Variants in CAST observed in about 807,000 individuals in gnomAD.
The protein encoded by CAST is MIR583 host.
CAST carries 76 observed loss-of-function variants against 119.6 expected under a neutral mutation model. The ratio of observed to expected loss-of-function variants is 0.64; its 90% confidence interval spans 0.53 to 0.77. The LOEUF is 0.77. Among genes scored for constraint, CAST ranks in the 30% least tolerant of loss-of-function variants. CAST has a pLI of 0.00. For missense variants in CAST, 953 were observed against 946.5 expected, an observed-to-expected ratio of 1.01 and a Z score of -0.09; for synonymous variants, 319 against 331.6, an observed-to-expected ratio of 0.96 and a Z score of 0.41.
At chr5:96,127,768 G>A in the CAST span, among the ~76,000 whole-genome samples, 2 of 152,006 alleles carry the variant, frequency 1.3e-5, no homozygotes. Context: ...GGCAATTGGT[G>A]CAACTTACAA....
At chr5:96,242,516 C>T in the CAST span, among the ~76,000 whole-genome samples, 1 of 152,168 alleles carries the variant, frequency 6.6e-6, no homozygotes, top group African/African-American at 2.4e-5. Context: ...ATGGAGCCTC[C>T]AGCTATCAGA....
At chr5:96,462,526 A>T in the CAST span, among the ~76,000 whole-genome samples, 1,855 of 152,250 alleles carry the variant, frequency 0.012, 30 homozygotes, top group East Asian at 0.038. Flanking sequence ...ATACACTTAA[A>T]TTGACGGCAT....
At chr5:96,302,787 T>A in the CAST span, among the ~76,000 whole-genome samples, 1 of 152,258 alleles carries the variant, frequency 6.6e-6, no homozygotes, top group Admixed American at 6.5e-5. Context: ...TAGCCTGGAC[T>A]TCATTTACAA....
chr5:96,488,049 A>G, the CAST span, among the ~76,000 whole-genome samples: 1 of 152,200 alleles, frequency 6.6e-6, no homozygotes, highest in Non-Finnish European at 1.5e-5. Flanking sequence ...ATAGAATTGG[A>G]CATATGGCTA....
chr5:96,470,741 A>G, the CAST span, among the ~76,000 whole-genome samples: 8 of 152,224 alleles, frequency 5.3e-5, no homozygotes, highest in African/African-American at 7.2e-5. Flanking sequence ...AGATTTGCAT[A>G]TCTTTTACAG....
At chr5:96,283,062 G>A in the CAST span, among the ~76,000 whole-genome samples, 21 of 147,582 alleles carry the variant, frequency 1.4e-4, no homozygotes, top group African/African-American at 4.3e-4. Context: ...CCCGGGAGGC[G>A]GAGCTTGCAG....
At chr5:96,044,647 A>G in the CAST span, among the ~76,000 whole-genome samples, 1 of 152,194 alleles carries the variant, frequency 6.6e-6, no homozygotes. Context: ...TGTCCCAAAG[A>G]CATGGATGAG....
rs1561409661 is a variant in CAST at position 96,536,004 on chromosome 5, TAAATAACCATATGTTAAATATTTAAGG to T, written c.60+6125_60+6151del. ...ACATTTAAATCTTTTAACTATATGT[TAAATAACCATATGTTAAATATTTAAGG>T]TTTTTTTTTTTTTTTTTTTTTTTTT... On this transcript the variant is annotated intron_variant, in intron 1 of 11. Coordinates refer to the CAST transcript ENST00000505143. Among the ~76,000 whole-genome samples, 359 of 151,562 alleles carry T rather than the reference TAAATAACCATATGTTAAATATTTAAGG, an allele frequency of 2.4e-3. 4 individuals are homozygous for T. The highest frequency in any genetic ancestry group is 8.4e-3 in the African/African-American group (344 of 41,114).
intron 1 of CAST, among the ~76,000 whole-genome samples, chr5:96,568,182 C>G (rs1160311624): frequency 6.6e-6 from 1 of 152,074 alleles, no homozygotes; most frequent in Non-Finnish European, 1.5e-5. Flanking sequence ...TTAATCCATA[C>G]CAGAAAGTTG....
At chr5:96,569,764 T>C (rs938422332) in intron 1 of CAST, among the ~76,000 whole-genome samples, 33 of 152,360 alleles carry the variant, frequency 2.2e-4, no homozygotes, top group Admixed American at 1.0e-3. Flanking sequence ...CAATATCTTA[T>C]GGTGCCTAGA....
intron 2 of CAST, 111 bp downstream of exon 2, chr5:96,675,712 G>C: frequency 1.4e-6 from 1 of 728,862 alleles, no homozygotes. Context: ...CTTAATATTG[G>C]GAAATTTTGA....
the CAST span, among the ~76,000 whole-genome samples, chr5:96,441,177 G>A: frequency 6.6e-6 from 1 of 152,140 alleles, no homozygotes; most frequent in African/African-American, 2.4e-5. Flanking sequence ...TTACATAATA[G>A]TTTCTTACAC....
upstream of CAST, chr5:96,529,777 G>T: frequency 2.3e-6 from 1 of 437,146 alleles, no homozygotes; most frequent in South Asian, 1.6e-5. Context: ...TTTATGAGGG[G>T]CTTCCCCTTT....
the CAST span, among the ~76,000 whole-genome samples, chr5:96,096,594 A>G: frequency 3.3e-5 from 5 of 152,226 alleles, no homozygotes; most frequent in African/African-American, 1.2e-4. Flanking sequence ...GATAGCTGCA[A>G]TCTTGTTTCC....
At chr5:96,709,917 A>G (rs1755760095) in intron 3 of CAST, among the ~76,000 whole-genome samples, 1 of 152,214 alleles carries the variant, frequency 6.6e-6, no homozygotes, top group Non-Finnish European at 1.5e-5. Flanking sequence ...CTACCTATAA[A>G]ATGATAGCAA....
At chr5:95,982,568 T>C in the CAST span, among the ~76,000 whole-genome samples, 2 of 152,146 alleles carry the variant, frequency 1.3e-5, no homozygotes, top group African/African-American at 2.4e-5. Flanking sequence ...TGGTAGTAAT[T>C]ATAGGGCCTA....
the CAST span, among the ~76,000 whole-genome samples, chr5:96,180,076 G>C: frequency 6.6e-6 from 1 of 152,008 alleles, no homozygotes; most frequent in Non-Finnish European, 1.5e-5. Context: ...ACAGACATCT[G>C]TGGCATGAGA....
chr5:96,605,649 A>C lies in CAST; in HGVS notation c.61-69890A>C, dbSNP rs113381671. On this transcript the variant is annotated intron_variant, in intron 1 of 11. Transcript: ENST00000505143. ...AATAAAAATACTTGCTCTGAGGCAT[A>C]TAGCTGAATTCCTCTGGAGTGTGGT... Among the ~76,000 whole-genome samples, 611 of 152,304 alleles carry C rather than the reference A, an allele frequency of 4.0e-3. 5 individuals carry two copies. The highest frequency in any genetic ancestry group is 0.013 in the African/African-American group (561 of 41,574).
chr5:96,770,709 T>C, intron 30 of CAST, 107 bp downstream of exon 30: 1 of 750,702 alleles, frequency 1.3e-6, no homozygotes, highest in Non-Finnish European at 2.3e-6. Context: ...AGAATAAAAT[T>C]TCTTAAAGTA....
Sources: gnomAD v4.1 joint callset for allele counts (sites outside exome capture counted in the v4.1 genomes callset) on GRCh38, gnomAD v4.1.1 for gene constraint, MANE v1.5 for transcripts, NCBI Gene and HGNC (gene_info 2026-07-23, HGNC 2026-07-21) for gene names.